Variants in ADAM17 observed in about 807,000 individuals in gnomAD.
ADAM17 encodes ADAM metallopeptidase domain 17.
In ADAM17, 39 loss-of-function variants were observed where a neutral mutation model predicts 96.7. That is an observed-to-expected ratio of 0.40 (90% CI 0.31 to 0.53). The LOEUF is 0.53. Ranked by LOEUF, ADAM17 falls within the 20% of genes least tolerant of loss-of-function variation. The pLI is 0.44. For synonymous variants in ADAM17, 344 were observed against 359.2 expected, an observed-to-expected ratio of 0.96 and a Z score of 0.48; for missense variants, 777 against 1,013.2, an observed-to-expected ratio of 0.77 and a Z score of 3.17.
chr2:9,493,537 G>C (rs1057211860), intron 16 of ADAM17, among the ~76,000 whole-genome samples: 3 of 152,128 alleles, frequency 2.0e-5, no homozygotes, highest in Non-Finnish European at 4.4e-5. Flanking sequence ...TATTTCCCTT[G>C]TCAGAAAATC....
chr2:9,540,327 G>T (rs1572954619), intron 2 of ADAM17, among the ~76,000 whole-genome samples: 1 of 151,606 alleles, frequency 6.6e-6, no homozygotes, highest in Non-Finnish European at 1.5e-5. Flanking sequence ...TTCAAATCTT[G>T]TATCTGTCAT....
At chr2:9,513,753 C>A (rs746841167) in intron 10 of ADAM17, among the ~76,000 whole-genome samples, 2 of 152,028 alleles carry the variant, frequency 1.3e-5, no homozygotes, top group Non-Finnish European at 2.9e-5. Context: ...AGGCCAAGCA[C>A]GGTGGCTCAC....
chr2:9,520,215 GCAA>G (rs1407726219), intron 8 of ADAM17, among the ~76,000 whole-genome samples: 8 of 152,114 alleles, frequency 5.3e-5, no homozygotes, highest in Non-Finnish European at 1.2e-4. Context: ...GATAATTAAA[GCAA>G]CAACAAGAAA....
At chr2:9,548,021 C>T (rs1665457531) in intron 1 of ADAM17, among the ~76,000 whole-genome samples, 1 of 151,596 alleles carries the variant, frequency 6.6e-6, no homozygotes, top group South Asian at 2.1e-4. Flanking sequence ...GAGCTGATAT[C>T]GTGCCACTGC....
At chr2:9,522,799 T>A (rs995875579) in intron 7 of ADAM17, among the ~76,000 whole-genome samples, 1 of 152,094 alleles carries the variant, frequency 6.6e-6, no homozygotes, top group Admixed American at 6.6e-5. Flanking sequence ...TGTTAACAGA[T>A]TACAAGAAAT....
chr2:9,495,584 C>G (rs1662513141), intron 14 of ADAM17, among the ~76,000 whole-genome samples: 1 of 151,896 alleles, frequency 6.6e-6, no homozygotes, highest in Non-Finnish European at 1.5e-5. Flanking sequence ...TGTGGTGGTG[C>G]TTGCCTGTAG....
At chr2:9,514,516 TAA>T (rs1354948074) in intron 10 of ADAM17, among the ~76,000 whole-genome samples, 3 of 72,070 alleles carry the variant, frequency 4.2e-5, no homozygotes, top group African/African-American at 1.1e-4. Context: ...ATTTAAAATA[TAA>T]ATATATATAT....
At chr2:9,522,634 G>T (rs1403062446) in intron 7 of ADAM17, among the ~76,000 whole-genome samples, 1 of 152,036 alleles carries the variant, frequency 6.6e-6, no homozygotes, top group Admixed American at 6.6e-5. Context: ...AAAAAATAGA[G>T]ATAACAATTT....
chr2:9,524,723 A>G (rs1664449109), intron 6 of ADAM17, among the ~76,000 whole-genome samples: 1 of 152,244 alleles, frequency 6.6e-6, no homozygotes, highest in African/African-American at 2.4e-5. Context: ...GGAATGGGTA[A>G]GAAGACAGCC....
chr2:9,529,328 G>A (rs1664648290), intron 4 of ADAM17, among the ~76,000 whole-genome samples: 1 of 152,146 alleles, frequency 6.6e-6, no homozygotes, highest in Admixed American at 6.5e-5. Flanking sequence ...GCAGGAGCCT[G>A]TAATCCCAGC....
Position 9,526,168 on chromosome 2 carries a change from A to G in ADAM17, c.696T>C (p.Asp232=), listed in dbSNP as rs768704961. The G allele has an allele frequency of 1.9e-6, 3 of 1,613,776 alleles. No homozygotes were observed. Among genetic ancestry groups the G allele is most frequent in the Non-Finnish European group, 2.5e-6 (3 of 1,179,702 alleles). Reference sequence around the variant, plus strand: ...TGCCCATGTATCTGTAGAAGCGATGATCTGCTACCACCAATAATTTACACG... The same window carrying G: ...TGCCCATGTATCTGTAGAAGCGATGGTCTGCTACCACCAATAATTTACACG... ...KNTCKLLVVA[D]HRFYRYMGRG... The change falls in exon 6 of 19, where the codon GAT becomes GAC. Residue 232 remains aspartate, a synonymous_variant. Coordinates refer to ENST00000310823, the MANE Select transcript of ADAM17 (RefSeq NM_003183.6).
Position 9,502,160 on chromosome 2 carries a change from C to T in ADAM17, c.1648+13G>A. 6.2e-7 allele frequency: 1 copy of T among 1,610,028 alleles called. No homozygotes were observed. On this transcript the variant is annotated intron_variant, in intron 13 of 18. Transcript: ENST00000310823. Reference sequence around the variant, plus strand: ...GACCCACAGCATTCCAAGGAAGCAACAAGAACACGAACCTGTGCAGTAGGA... The same window carrying T: ...GACCCACAGCATTCCAAGGAAGCAATAAGAACACGAACCTGTGCAGTAGGA...
At position 9,525,043 on chromosome 2, in the gene ADAM17, T is replaced by C. The variant is rs73151536; in HGVS notation, c.753+1068A>G. ...AAGTAAAATAAGAGGAGCCCCTTAATATAAAACCCAGATTAAGAGAGAAGC... is the reference window on the plus strand; with the variant it reads ...AAGTAAAATAAGAGGAGCCCCTTAACATAAAACCCAGATTAAGAGAGAAGC... On this transcript the variant is annotated intron_variant, in intron 6 of 18. Transcript: ENST00000310823. Among the ~76,000 whole-genome samples the C allele has an allele frequency of 2.2e-3, 322 of 147,604 alleles. 1 individual carries two copies. The highest frequency in any genetic ancestry group is 8.3e-3 in the African/African-American group (309 of 37,154).
intron 11 of ADAM17, among the ~76,000 whole-genome samples, chr2:9,507,534 AACAT>A (rs1288469489): frequency 6.6e-6 from 1 of 152,152 alleles, no homozygotes; most frequent in African/African-American, 2.4e-5. Flanking sequence ...AAATAAATAA[AACAT>A]AGAAGATGCA....
At chr2:9,522,480 GA>G in intron 7 of ADAM17, 1 of 573,812 alleles carries the variant, frequency 1.7e-6, no homozygotes, top group Non-Finnish European at 3.3e-6. Context: ...AATGAAAAGG[GA>G]AAAATAATTC....
At chr2:9,512,396 G>A (rs1663793039) in intron 10 of ADAM17, 4 of 151,990 alleles carry the variant, frequency 2.6e-5, no homozygotes, top group South Asian at 2.1e-4. Flanking sequence ...AAGTAAAAGC[G>A]TGAGCTACTG....
At chr2:9,549,106 C>T (rs372332028) in intron 1 of ADAM17, among the ~76,000 whole-genome samples, 11 of 152,332 alleles carry the variant, frequency 7.2e-5, no homozygotes, top group African/African-American at 2.6e-4. Flanking sequence ...GTCACAGTGG[C>T]TCACACCTGT....
At chr2:9,542,739 C>G (rs1428612647) in intron 2 of ADAM17, among the ~76,000 whole-genome samples, 1 of 152,166 alleles carries the variant, frequency 6.6e-6, no homozygotes, top group African/African-American at 2.4e-5. Context: ...CACTCTGTTG[C>G]CCAGTCTGGA....
At chr2:9,543,356 T>C in intron 1 of ADAM17, 71 bp from the exon 2 acceptor site, 2 of 1,306,264 alleles carry the variant, frequency 1.5e-6, no homozygotes, top group Non-Finnish European at 2.0e-6. Context: ...AAAATGAGAG[T>C]GCCAGACAAT....
Sources: allele counts gnomAD v4.1 joint callset (sites outside exome capture counted in the v4.1 genomes callset), GRCh38; gene constraint gnomAD v4.1.1; transcripts MANE v1.5; gene names NCBI Gene and HGNC (gene_info 2026-07-23, HGNC 2026-07-21).